CAPN12: variants seen among roughly 807,000 people sequenced by gnomAD.
CAPN12 encodes calpain-12.
CAPN12 carries 107 observed loss-of-function variants against 95.0 expected under a neutral mutation model. The observed-to-expected ratio is 1.13, with a 90% CI of 0.96 to 1.32. The LOEUF is 1.32. CAPN12 is among the 40% of genes most tolerant of loss of function. CAPN12 has a pLI of 0.00. For synonymous variants in CAPN12, 505 were observed against 415.5 expected (o/e 1.22, Z -2.62); for missense variants, 1,136 against 997.8 (o/e 1.14, Z -1.87).
chr19:38,730,835 G>GCGCCCATCCGGAGATCCT lies in CAPN12; in HGVS notation c.2159_*16dup, dbSNP rs1158141838. ...AGCAACCCTGCCCTGAGCAGCAGGTGCGCCCATCCGGAGATCCTAGGAGAA... is the reference window on the plus strand; with the variant it reads ...AGCAACCCTGCCCTGAGCAGCAGGTGCGCCCATCCGGAGATCCTCGCCCATCCGGAGATCCTAGGAGAA... On this transcript the variant is annotated 3_prime_UTR_variant, in exon 21 of 21. Coordinates refer to ENST00000328867, the MANE Select transcript of CAPN12 (RefSeq NM_144691.4). 2 of 1,550,768 alleles carry GCGCCCATCCGGAGATCCT rather than the reference G, an allele frequency of 1.3e-6. No individual in the cohort carries two copies. Among genetic ancestry groups the GCGCCCATCCGGAGATCCT allele is most frequent in the Non-Finnish European group, 1.7e-6 (2 of 1,147,138 alleles).
Position 38,734,380 on chromosome 19 carries a change from T to C in CAPN12, c.1754A>G (p.His585Arg). 6.3e-7 allele frequency: 1 copy of C among 1,599,006 alleles called. No individual in the cohort carries two copies. Among genetic ancestry groups the C allele is most frequent in the East Asian group, 2.2e-5 (1 of 44,666 alleles). The part of the protein sequence containing the change: ...LSIALEPARA[H>R]TSTPREIGLR... ...CCCGATCTCTCTGGGGGTGGAGGTATGGGCCCTGGCTACAGGAAAAACAAA... is the reference window on the plus strand; with the variant it reads ...CCCGATCTCTCTGGGGGTGGAGGTACGGGCCCTGGCTACAGGAAAAACAAA... Residue 585 changes from histidine (H) to arginine (R), a missense_variant, in exon 16 of 21, where the codon CAT becomes CGT. By Grantham distance (29) the His-to-Arg change is conservative. Coordinates refer to ENST00000328867, the MANE Select transcript of CAPN12 (RefSeq NM_144691.4).
rs1321663858 is a variant in CAPN12, at chr19:38,734,398, AAAAC to A, written c.1745-13_1745-10del. ...GGAGGTATGGGCCCTGGCTACAGGA[AAAAC>A]AAAGTCAAACCACAGCACTTCCTGC... On this transcript the variant is annotated splice_polypyrimidine_tract_variant and intron_variant, in intron 15 of 20. Transcript: ENST00000328867. 6.3e-7 allele frequency: 1 copy of A among 1,577,186 alleles called. No homozygotes were observed. The highest frequency in any genetic ancestry group is 1.4e-5 in the African/African-American group (1 of 73,586).
At chr19:38,739,820 C>T (rs1310257440) in intron 5 of CAPN12, 1 of 432,458 alleles carries the variant, frequency 2.3e-6, no homozygotes, top group African/African-American at 2.0e-5. Context: ...GACACTAACA[C>T]AGAATGAGAA....
chr19:38,743,012 C>A, intron 2 of CAPN12, 21 bp downstream of exon 2: 1 of 1,613,338 alleles, frequency 6.2e-7, no homozygotes, highest in Non-Finnish European at 8.5e-7. Flanking sequence ...CTGAGGACTC[C>A]AGGTGGGTTC....
In CAPN12 at chr19:38,735,439, G is replaced by A. The variant is rs779622037; in HGVS notation, c.1627-10C>T. 1.7e-5 allele frequency: 28 copies of A among 1,610,874 alleles called. No individual in the cohort carries two copies. Among genetic ancestry groups the A allele is most frequent in the African/African-American group, 1.6e-4 (12 of 74,724 alleles). On this transcript the variant is annotated splice_polypyrimidine_tract_variant and intron_variant, in intron 13 of 20. Transcript: ENST00000328867. ...GGGGCAGGTAGGGGCCCTGCCGCAT[G>A]GCGGAAGTTTAGCGCTGGCCAAGAT...
Position 38,735,496 on chromosome 19 carries a change from C to T in CAPN12, c.1626+6G>A, listed in dbSNP as rs942773555. ...CCCATGCCGCCCCTCCAGGAACAGT[C>T]CCCACCTGGAGAGACTGCAGGTCTG... On this transcript the variant is annotated splice_donor_region_variant and intron_variant, in intron 13 of 20. Coordinates refer to ENST00000328867, the MANE Select transcript of CAPN12 (RefSeq NM_144691.4). The T allele has an allele frequency of 1.9e-6, 3 of 1,611,110 alleles. No individual in the cohort carries two copies. The highest frequency in any genetic ancestry group is 1.7e-6 in the Non-Finnish European group (2 of 1,179,488).
In CAPN12 at chr19:38,736,266, AG is replaced by A. The variant is rs1970138179; in HGVS notation, c.1426del (p.Leu476CysfsTer14). ...PRSHALLPRL[L>X]RADRSPLSAR... is the part of the protein sequence containing the mutation. ...GCTGAGGGGCGAGCGGTCGGCGCGCAGCAGCCGGGGCAGGAGCGCATGGCTG... is the reference window on the plus strand; with the variant it reads ...GCTGAGGGGCGAGCGGTCGGCGCGCACAGCCGGGGCAGGAGCGCATGGCTG... On this transcript the variant is annotated frameshift_variant, in exon 12 of 21. Coordinates refer to ENST00000328867, the MANE Select transcript of CAPN12 (RefSeq NM_144691.4). LOFTEE classifies it high-confidence loss of function. 3.4e-6 allele frequency: 5 copies of A among 1,460,920 alleles called. No homozygotes were observed. The highest frequency in any genetic ancestry group is 4.5e-6 in the Non-Finnish European group (5 of 1,115,766). 90.5% of individuals were successfully genotyped at this position (1,460,920 alleles called of 1,614,324 possible).
In CAPN12 at chr19:38,737,531, G is replaced by A. The variant is rs769721833; in HGVS notation, c.1073C>T (p.Thr358Ile). ...GCCACGCACCCAGCGGCCTTGGAAGGTGTGGACGTGCCAGCCGCCCCCCTC... is the reference window on the plus strand; with the variant it reads ...GCCACGCACCCAGCGGCCTTGGAAGATGTGGACGTGCCAGCCGCCCCCCTC... Reference protein sequence around the residue: ...SPEGGGWHVHTFQGRWVRGFN... With the variant: ...SPEGGGWHVHIFQGRWVRGFN... Residue 358 changes from threonine (T) to isoleucine (I), a missense_variant, in exon 9 of 21, where the codon ACC becomes ATC. Transcript: ENST00000328867. 4.3e-6 allele frequency: 7 copies of A among 1,612,462 alleles called. No homozygotes were observed. The highest frequency in any genetic ancestry group is 1.7e-5 in the Admixed American group (1 of 59,984).
chr19:38,744,291 T>TAATTGATGG lies in CAPN12; in HGVS notation c.-135_-127dup. 1 of 890,882 alleles carries TAATTGATGG rather than the reference T, an allele frequency of 1.1e-6. No individual in the cohort carries two copies. The highest frequency in any genetic ancestry group is 3.0e-4 in the Middle Eastern group (1 of 3,356). 55.2% of individuals were successfully genotyped at this position (890,882 alleles called of 1,614,324 possible). On this transcript the variant is annotated 5_prime_UTR_variant, in exon 1 of 21. Transcript: ENST00000328867. ...ATGAGGAGCCTTCCCTCGTTAATAT[T>TAATTGATGG]AATTGATGGTTTGGGGTGCTGGGGA...
At position 38,737,627 on chromosome 19, in the gene CAPN12, C is replaced by T. The variant is rs989527730; in HGVS notation, c.977G>A (p.Arg326Gln). Residue 326 changes from arginine to glutamine, a missense_variant, in exon 9 of 21, where the codon CGG becomes CAG. Transcript: ENST00000328867. ...GGTGTCGAAATGGAGGAGGAAGTCC[C>T]GCAGCTCCATCCTGCACGGTGGCCC... is the stretch of plus-strand genomic sequence containing the variant. The part of the protein sequence containing the change: ...KEDGEFWMEL[R>Q]DFLLHFDTVQ... 1.1e-5 allele frequency: 17 copies of T among 1,602,574 alleles called. No homozygotes were observed. The highest frequency in any genetic ancestry group is 1.4e-5 in the Non-Finnish European group (17 of 1,174,332).
intron 15 of CAPN12, 97 bp from the exon 16 acceptor site, chr19:38,734,486 T>C (rs1969870904): frequency 1.9e-6 from 2 of 1,072,580 alleles, no homozygotes; most frequent in South Asian, 3.2e-5. Context: ...GGTGATGTTG[T>C]CAGTCCCATA....
chr19:38,736,883 T>TC (rs1400363006), intron 10 of CAPN12: 3 of 532,584 alleles, frequency 5.6e-6, no homozygotes, highest in African/African-American at 2.2e-5. Flanking sequence ...TAGCTCCCTC[T>TC]CCCCTCTGAG....
intron 18 of CAPN12, chr19:38,731,493 G>T: frequency 1.9e-6 from 1 of 520,242 alleles, no homozygotes; most frequent in Non-Finnish European, 3.5e-6. Context: ...CGATGTGTGG[G>T]TACTGTTACT....
chr19:38,741,086 T>G (rs1414999282), intron 4 of CAPN12, among the ~76,000 whole-genome samples: 1 of 152,020 alleles, frequency 6.6e-6, no homozygotes, highest in Non-Finnish European at 1.5e-5. Flanking sequence ...CCCCAATATT[T>G]TGGGGGTGCT....
Position 38,734,857 on chromosome 19 carries a change from T to C in CAPN12, c.1700A>G (p.Asn567Ser), listed in dbSNP as rs756150217. 13 of 1,612,572 alleles carry C rather than the reference T, an allele frequency of 8.1e-6. No homozygotes were observed. In the Admixed American group the frequency reaches 1.3e-4, roughly 17 times the overall value. Residue 567 changes from asparagine to serine, a missense_variant, in exon 15 of 21, where the codon AAT (asparagine) becomes AGT (serine). Coordinates refer to ENST00000328867, the MANE Select transcript of CAPN12 (RefSeq NM_144691.4). The stretch of plus-strand genomic sequence containing the variant: ...TAGTAAGGCCTGGAGCTGAGAGGCA[T>C]TGAGTTCTTCCTCCTAGTCCAGGAA... ...QELAGEEEEL[N>S]ASQLQALLSI...
chr19:38,735,652 G>GGACCGTAGGGACCGT (rs1568775668), intron 12 of CAPN12, 108 bp from the exon 13 acceptor site: 35 of 872,846 alleles, frequency 4.0e-5, no homozygotes, highest in South Asian at 4.0e-4. Context: ...AGGGACCGTG[G>GGACCGTAGGGACCGT]AGCCCTGGGC....
At position 38,730,724 on chromosome 19, in the gene CAPN12, T is replaced by G. The variant is rs182281414; in HGVS notation, c.*128A>C. The G allele has an allele frequency of 3.6e-4, 433 of 1,203,448 alleles. 2 individuals are homozygous for G. The African/African-American group carries it at 5.7e-3, about 16-fold the overall frequency. The allele number at this position is 1,203,448 out of a possible 1,614,324, so 74.5% of individuals were successfully genotyped here. A position where few individuals can be genotyped will look rare whatever the true frequency, so the allele number is the denominator to read the frequency against. On this transcript the variant is annotated 3_prime_UTR_variant, in exon 21 of 21. Coordinates refer to ENST00000328867, the MANE Select transcript of CAPN12 (RefSeq NM_144691.4). ...AGAGTGGTCACCCGGCCGTGAGCAG[T>G]GAGGGCCAGAGACTAGCCCCAGACA...
At chr19:38,733,075 G>A (rs1246705927) in intron 18 of CAPN12, 1 of 151,512 alleles carries the variant, frequency 6.6e-6, no homozygotes, top group Non-Finnish European at 1.5e-5. Flanking sequence ...GCAGTGCATG[G>A]ACGACTCCTC....
chr19:38,740,777 G>T (rs1970500555), intron 4 of CAPN12, among the ~76,000 whole-genome samples: 1 of 150,692 alleles, frequency 6.6e-6, no homozygotes, highest in Non-Finnish European at 1.5e-5. Flanking sequence ...TGTAGCCTGG[G>T]CAACAAGAGT....
Sources: allele counts gnomAD v4.1 joint callset (sites outside exome capture counted in the v4.1 genomes callset), GRCh38; gene constraint gnomAD v4.1.1; transcripts MANE v1.5; gene names NCBI Gene and HGNC (gene_info 2026-07-23, HGNC 2026-07-21).